IRX5: variants seen among roughly 807,000 people sequenced by gnomAD.
IRX5 encodes the protein iroquois homeobox 5, also known as iroquois-class homeodomain protein IRX-5.
In IRX5, 8 loss-of-function variants were observed where a neutral mutation model predicts 37.6. The ratio of observed to expected loss-of-function variants is 0.21; its 90% CI spans 0.12 to 0.38. IRX5 has a LOEUF of 0.38. Ranked by LOEUF, IRX5 falls within the 10% of genes least tolerant of loss-of-function variation. IRX5 has a pLI of 1.00. For synonymous variants in IRX5, 359 were observed against 328.6 expected, an observed-to-expected ratio of 1.09 and a Z score of -1.00; for missense variants, 635 against 695.2, an observed-to-expected ratio of 0.91 and a Z score of 0.97.
At position 54,933,236 on chromosome 16, in the gene IRX5, GGCCCTCCCC is replaced by G. The variant is rs1160750401; in HGVS notation, c.817_825del (p.Pro273_Pro275del). On this transcript the variant is annotated inframe_deletion, in exon 3 of 3. Coordinates refer to ENST00000394636, the MANE Select transcript of IRX5 (RefSeq NM_005853.6). ...CTGCAGGGCCCCCCCCGCACCGGCG[GGCCCTCCCC>G]GGCTGGGCCAGCGGCGGCGCGGCTG... The G allele has an allele frequency of 6.2e-6, 9 of 1,445,392 alleles. No individual in the cohort carries two copies. The African/African-American group carries it at 1.3e-4, about 22-fold the overall frequency. 89.5% of individuals were successfully genotyped at this position (1,445,392 alleles called of 1,614,324 possible).
chr16:54,933,626 T>G lies in IRX5; in HGVS notation c.1205T>G (p.Leu402Arg). ...GGCGGGACGGTGCTGTCCCGGCCTC[T>G]CTACTACACCGCGCCCTTCTATCCC... The part of the protein sequence containing the change: ...FPGGTVLSRP[L>R]YYTAPFYPGY... Residue 402 changes from leucine (L) to arginine (R), a missense_variant, in exon 3 of 3, where the codon CTC (leucine) becomes CGC (arginine). Leu to Arg is a moderately radical substitution (Grantham distance 102). Coordinates refer to ENST00000394636, the MANE Select transcript of IRX5 (RefSeq NM_005853.6). 4 of 1,608,302 alleles carry G rather than the reference T, an allele frequency of 2.5e-6. No homozygotes were observed. Among genetic ancestry groups the G allele is most frequent in the Non-Finnish European group, 3.4e-6 (4 of 1,175,714 alleles).
Position 54,932,775 on chromosome 16 carries a change from A to T in IRX5, c.527A>T (p.Lys176Ile). 1 of 1,614,036 alleles carries T rather than the reference A, an allele frequency of 6.2e-7. No homozygotes were observed. Among genetic ancestry groups the T allele is most frequent in the Non-Finnish European group, 8.5e-7 (1 of 1,180,002 alleles). ...CGCCGGCGCCTCAAGAAAGAGAATA[A>T]AATGACGTGGACGCCGCGGAACCGC... The part of the protein sequence containing the change: ...NARRRLKKEN[K>I]MTWTPRNRSE... The change falls in exon 2 of 3, where the codon AAA (lysine) becomes ATA (isoleucine). Residue 176 changes from lysine to isoleucine, a missense_variant. Physicochemically the swap from Lys to Ile is moderately radical, Grantham distance 102. Transcript: ENST00000394636. This position sits in a 1 kb window ranked among gnomAD's most constrained non-coding sequence, Gnocchi z 6.7.
Position 54,932,203 on chromosome 16 carries a change from G to T in IRX5, c.250-295G>T, listed in dbSNP as rs759563601. Reference sequence around the variant, plus strand: ...GCCGGGCCGCCGTGGCCAGATCTGCGCACGGGGTACGGACGTGCCCGGGCA... The same window carrying T: ...GCCGGGCCGCCGTGGCCAGATCTGCTCACGGGGTACGGACGTGCCCGGGCA... On this transcript the variant is annotated intron_variant, in intron 1 of 2. Coordinates refer to ENST00000394636, the MANE Select transcript of IRX5 (RefSeq NM_005853.6). The surrounding 1 kb of genome is among the most constrained non-coding windows in gnomAD (Gnocchi z 6.7). 2.8e-6 allele frequency: 2 copies of T among 702,754 alleles called. No homozygotes were observed. Among genetic ancestry groups the T allele is most frequent in the South Asian group, 1.5e-5 (1 of 67,546 alleles). 43.5% of individuals were successfully genotyped at this position (702,754 alleles called of 1,614,324 possible).
rs751938008 is a variant in IRX5 at position 54,932,398 on chromosome 16, A to T, written c.250-100A>T. On this transcript the variant is annotated intron_variant, in intron 1 of 2. Transcript: ENST00000394636. This position sits in a 1 kb window ranked among gnomAD's most constrained non-coding sequence, Gnocchi z 6.7. ...GGAAGCTGGAGTGCGGGCCTCGTCCACCCACAGACCCCGGGGAGCGCAGGG... is the reference window on the plus strand; with the variant it reads ...GGAAGCTGGAGTGCGGGCCTCGTCCTCCCACAGACCCCGGGGAGCGCAGGG... 13 of 1,386,722 alleles carry T rather than the reference A, an allele frequency of 9.4e-6. 1 individual carries two copies. The highest frequency in any genetic ancestry group is 9.2e-5 in the Admixed American group (4 of 43,392). 85.9% of individuals were successfully genotyped at this position (1,386,722 alleles called of 1,614,324 possible). A position where few individuals can be genotyped will look rare whatever the true frequency, so the allele number is the denominator to read the frequency against.
chr16:54,933,349 G>T lies in IRX5; in HGVS notation c.928G>T (p.Gly310Cys), dbSNP rs1288712307. 8 of 1,493,716 alleles carry T rather than the reference G, an allele frequency of 5.4e-6. No individual in the cohort carries two copies. Among genetic ancestry groups the T allele is most frequent in the Admixed American group, 2.2e-5 (1 of 45,516 alleles). 92.5% of individuals were successfully genotyped at this position (1,493,716 alleles called of 1,614,324 possible). The change falls in exon 3 of 3, where the codon GGT becomes TGT. Residue 310 changes from glycine (G) to cysteine (C), a missense_variant. Coordinates refer to ENST00000394636, the MANE Select transcript of IRX5 (RefSeq NM_005853.6). ...PHPAAGEVPP[G>C]PGGPSVIHSP... ...TCCAGCCGCGGGCGAGGTGCCTCCG[G>T]GTCCCGGCGGGCCCTCGGTTATCCA...
rs1200717237 is a variant in IRX5 at position 54,932,039 on chromosome 16, G to A, written c.250-459G>A. 4.3e-6 allele frequency: 3 copies of A among 701,442 alleles called. No homozygotes were observed. The highest frequency in any genetic ancestry group is 7.8e-6 in the Non-Finnish European group (3 of 384,472). The allele number at this position is 701,442 out of a possible 1,614,324, so 43.5% of individuals were successfully genotyped here. On this transcript the variant is annotated intron_variant, in intron 1 of 2. Transcript: ENST00000394636. This position sits in a 1 kb window ranked among gnomAD's most constrained non-coding sequence, Gnocchi z 6.7. The stretch of plus-strand genomic sequence containing the variant: ...GTGCGTGGGCATGGCTCAGCTTTTT[G>A]TTTGCATTTCTTAGCTGTTGAAAAA...
Position 54,931,342 on chromosome 16 carries a change from C to T in IRX5, c.144C>T (p.Tyr48=), listed in dbSNP as rs543456102. The T allele has an allele frequency of 4.3e-6, 7 of 1,610,270 alleles. No homozygotes were observed. The East Asian group carries it at 1.3e-4, about 31-fold the overall frequency. ...CTTCGGGCTCCGCGTTCTCGCCCTA[C>T]GCTGGCTCGACTGCCTTCACGGCGC... is the stretch of plus-strand genomic sequence containing the variant. ...RSSSGSAFSP[Y]AGSTAFTAPS... The change falls in exon 1 of 3, where the codon TAC becomes TAT. Residue 48 remains tyrosine, a synonymous_variant. Transcript: ENST00000394636.
At position 54,933,803 on chromosome 16, in the gene IRX5, G is replaced by A. The variant is rs764897962; in HGVS notation, c.1382G>A (p.Arg461Gln). 7 of 1,613,930 alleles carry A rather than the reference G, an allele frequency of 4.3e-6. No individual in the cohort carries two copies. Among genetic ancestry groups the A allele is most frequent in the South Asian group, 1.1e-5 (1 of 91,078 alleles). The change falls in exon 3 of 3, where the codon CGG becomes CAG. Residue 461 changes from arginine (R) to glutamine (Q), a missense_variant. Arg to Gln is a conservative substitution (Grantham distance 43, BLOSUM62 1). Coordinates refer to ENST00000394636, the MANE Select transcript of IRX5 (RefSeq NM_005853.6). Reference sequence around the variant, plus strand: ...TTGGCTAAAGACCCGAAAATGTTGCGGAGCCAGTCTCAGCTAGACCTGTGC... The same window carrying A: ...TTGGCTAAAGACCCGAAAATGTTGCAGAGCCAGTCTCAGCTAGACCTGTGC... ...DALAKDPKML[R>Q]SQSQLDLCKD...
Position 54,933,240 on chromosome 16 carries a change from CT to C in IRX5, c.820del (p.Ser274ProfsTer93). ...AGGGCCCCCCCCGCACCGGCGGGCC[CT>C]CCCCGGCTGGGCCAGCGGCGGCGCG... Reference protein sequence around the residue: ...LQGPPRTGGPSPAGPAAARLA... With the variant: ...LQGPPRTGGPXPAGPAAARLA... On this transcript the variant is annotated frameshift_variant, in exon 3 of 3. Transcript: ENST00000394636. LOFTEE classifies it high-confidence loss of function. 1 of 1,441,540 alleles carries C rather than the reference CT, an allele frequency of 6.9e-7. No homozygotes were observed. The allele number at this position is 1,441,540 out of a possible 1,614,324, so 89.3% of individuals were successfully genotyped here.
chr16:54,933,889 TC>T lies in IRX5; in HGVS notation c.*19del. 1.3e-6 allele frequency: 2 copies of T among 1,552,822 alleles called. No homozygotes were observed. Among genetic ancestry groups the T allele is most frequent in the Non-Finnish European group, 1.7e-6 (2 of 1,145,474 alleles). The stretch of plus-strand genomic sequence containing the variant: ...CGACATTTAACGCGGGCTGCGTCGG[TC>T]CCGGACTTTTCTAATTTATTAAAAA... On this transcript the variant is annotated 3_prime_UTR_variant, in exon 3 of 3. Transcript: ENST00000394636.
chr16:54,932,992 G>A lies in IRX5; in HGVS notation c.656-85G>A. ...GGCGCGCACGGGGCCTGGAGGTTGG[G>A]GGCAGGGGTCCCTGCCTTTGCGGGC... On this transcript the variant is annotated intron_variant, in intron 2 of 2. Coordinates refer to ENST00000394636, the MANE Select transcript of IRX5 (RefSeq NM_005853.6). This position sits in a 1 kb window ranked among gnomAD's most constrained non-coding sequence, Gnocchi z 6.7. 1 of 1,597,648 alleles carries A rather than the reference G, an allele frequency of 6.3e-7. No homozygotes were observed. Among genetic ancestry groups the A allele is most frequent in the Non-Finnish European group, 8.5e-7 (1 of 1,174,032 alleles).
In IRX5 at chr16:54,932,592, C is replaced by T. The variant is rs762064659; in HGVS notation, c.344C>T (p.Ala115Val). 3.1e-6 allele frequency: 5 copies of T among 1,613,970 alleles called. No homozygotes were observed. Among genetic ancestry groups the T allele is most frequent in the Non-Finnish European group, 4.2e-6 (5 of 1,180,024 alleles). ...GGATCGTACCCTTACGGGGACCCAG[C>T]GTACCGGAAGAACGCCACAAGGGAC... The part of the protein sequence containing the change: ...PLGSYPYGDP[A>V]YRKNATRDAT... The change falls in exon 2 of 3, where the codon GCG becomes GTG. Residue 115 changes from alanine to valine, a missense_variant. Ala to Val is a moderately conservative substitution (Grantham distance 64). This residue lies in a region of IRX5 where 55 missense variants were observed against 120.5 expected (regional missense o/e 0.46). Transcript: ENST00000394636. The surrounding 1 kb of genome is among the most constrained non-coding windows in gnomAD (Gnocchi z 6.7).
In IRX5 at chr16:54,934,088, G is replaced by T; in HGVS notation, c.*215G>T. 9.6e-6 allele frequency: 4 copies of T among 418,664 alleles called. No individual in the cohort carries two copies. Among genetic ancestry groups the T allele is most frequent in the South Asian group, 8.2e-5 (1 of 12,160 alleles). 25.9% of individuals were successfully genotyped at this position (418,664 alleles called of 1,614,324 possible). Reference sequence around the variant, plus strand: ...CCAACCGAAAAGAAAAATTAAAAAAGGATTTGTATTAAATCTTATTCTGTA... The same window carrying T: ...CCAACCGAAAAGAAAAATTAAAAAATGATTTGTATTAAATCTTATTCTGTA... On this transcript the variant is annotated 3_prime_UTR_variant, in exon 3 of 3. Transcript: ENST00000394636.
chr16:54,931,322 G>T lies in IRX5; in HGVS notation c.124G>T (p.Gly42Cys), dbSNP rs1248074585. The change falls in exon 1 of 3, where the codon GGC becomes TGC. Residue 42 changes from glycine to cysteine, a missense_variant. By Grantham distance (159) the Gly-to-Cys change is radical (BLOSUM62 -3). Transcript: ENST00000394636. The part of the protein sequence containing the change: ...RTDELGRSSS[G>C]SAFSPYAGST... ...GGATGAGCTCGGCCGCTCTTCTTCG[G>T]GCTCCGCGTTCTCGCCCTACGCTGG... 1.9e-6 allele frequency: 3 copies of T among 1,611,760 alleles called. No homozygotes were observed. The highest frequency in any genetic ancestry group is 1.3e-5 in the African/African-American group (1 of 74,902).
rs1390742666 is a variant in IRX5 at position 54,933,579 on chromosome 16, C to T, written c.1158C>T (p.Pro386=). ...ASPAPAPSRS[P]SAQCPFPGGT... ...CGGCCCCGGCGCCGTCACGCTCGCCCTCGGCGCAGTGTCCTTTTCCAGGCG... is the reference window on the plus strand; with the variant it reads ...CGGCCCCGGCGCCGTCACGCTCGCCTTCGGCGCAGTGTCCTTTTCCAGGCG... The change falls in exon 3 of 3, where the codon CCC becomes CCT. Residue 386 remains proline, a synonymous_variant. Transcript: ENST00000394636. 3.1e-6 allele frequency: 5 copies of T among 1,609,372 alleles called. No individual in the cohort carries two copies. Among genetic ancestry groups the T allele is most frequent in the Non-Finnish European group, 4.2e-6 (5 of 1,177,648 alleles).
In IRX5 at chr16:54,934,052, A is replaced by C; in HGVS notation, c.*179A>C. The C allele has an allele frequency of 1.9e-6, 1 of 520,806 alleles. No homozygotes were observed. Among genetic ancestry groups the C allele is most frequent in the East Asian group, 3.3e-5 (1 of 30,286 alleles). The allele number at this position is 520,806 out of a possible 1,614,324, so 32.3% of individuals were successfully genotyped here. On this transcript the variant is annotated 3_prime_UTR_variant, in exon 3 of 3. Transcript: ENST00000394636. The stretch of plus-strand genomic sequence containing the variant: ...TGTAAACATCTCCACACAAAAAAAA[A>C]AATGTCTTAACCAACCGAAAAGAAA...
Position 54,933,922 on chromosome 16 carries a change from C to T in IRX5, c.*49C>T. 2 of 1,490,620 alleles carry T rather than the reference C, an allele frequency of 1.3e-6. No individual in the cohort carries two copies. The highest frequency in any genetic ancestry group is 1.4e-5 in the African/African-American group (1 of 71,430). The allele number at this position is 1,490,620 out of a possible 1,614,324, so 92.3% of individuals were successfully genotyped here. A position where few individuals can be genotyped will look rare whatever the true frequency, so the allele number is the denominator to read the frequency against. On this transcript the variant is annotated 3_prime_UTR_variant, in exon 3 of 3. Coordinates refer to ENST00000394636, the MANE Select transcript of IRX5 (RefSeq NM_005853.6). The stretch of plus-strand genomic sequence containing the variant: ...TTTTCTAATTTATTAAAAACATGGC[C>T]TTGGCAGTTATTTTTCCATCACCGA...
chr16:54,934,000 A>G lies in IRX5; in HGVS notation c.*127A>G, dbSNP rs1963939557. 1.1e-6 allele frequency: 1 copy of G among 933,678 alleles called. No homozygotes were observed. The highest frequency in any genetic ancestry group is 1.7e-5 in the African/African-American group (1 of 60,366). The allele number at this position is 933,678 out of a possible 1,614,324, so 57.8% of individuals were successfully genotyped here. On this transcript the variant is annotated 3_prime_UTR_variant, in exon 3 of 3. Coordinates refer to ENST00000394636, the MANE Select transcript of IRX5 (RefSeq NM_005853.6). ...CTACCCCTCCTATTCAGAAGTTTAT[A>G]GTTTATGGAGATGGATGACATAAAA...
Position 54,932,094 on chromosome 16 carries a change from T to C in IRX5, c.250-404T>C, listed in dbSNP as rs1963904365. The C allele has an allele frequency of 1.4e-6, 1 of 702,716 alleles. No homozygotes were observed. Among genetic ancestry groups the C allele is most frequent in the Non-Finnish European group, 2.6e-6 (1 of 384,966 alleles). The allele number at this position is 702,716 out of a possible 1,614,324, so 43.5% of individuals were successfully genotyped here. On this transcript the variant is annotated intron_variant, in intron 1 of 2. Transcript: ENST00000394636. This position sits in a 1 kb window ranked among gnomAD's most constrained non-coding sequence, Gnocchi z 6.7. ...AAAAAGAGCCTTGACTTCCCTTGTTTTCCCCCCTTGCGCCCAACGTGCGTC... is the reference window on the plus strand; with the variant it reads ...AAAAAGAGCCTTGACTTCCCTTGTTCTCCCCCCTTGCGCCCAACGTGCGTC...
Sources: allele counts gnomAD v4.1 joint callset, GRCh38; gene constraint gnomAD v4.1.1; regional missense constraint gnomAD v4.1.1; non-coding constraint Gnocchi (gnomAD v3.1); transcripts MANE v1.5; gene names NCBI Gene and HGNC (gene_info 2026-07-23, HGNC 2026-07-21).